Variants in ASAP1 observed in about 807,000 individuals in gnomAD.
The protein encoded by ASAP1 is ArfGAP with SH3 domain, ankyrin repeat and PH domain 1.
In ASAP1, 43 loss-of-function variants were observed where a neutral mutation model predicts 145.2. The observed-to-expected ratio is 0.30, with a 90% CI of 0.23 to 0.38. The LOEUF (loss-of-function observed/expected upper bound fraction) is 0.38, where lower values mean the gene tolerates loss of function less well. Ranked by LOEUF, ASAP1 falls within the 10% of genes least tolerant of loss-of-function variation. The probability of loss-of-function intolerance (pLI) is 1.00; values close to 1 mark genes in which losing one functional copy is unlikely to be tolerated. For missense variants in ASAP1, 1,018 were observed against 1,355.3 expected (o/e 0.75, Z 3.91); for synonymous variants, 546 against 515.5 (o/e 1.06, Z -0.80).
intron 3 of ASAP1, among the ~76,000 whole-genome samples, chr8:130,303,636 G>C (rs1822808298): frequency 6.6e-6 from 1 of 152,102 alleles, no homozygotes; most frequent in African/African-American, 2.4e-5. Flanking sequence ...AACCTTAAAT[G>C]CGTACTGCTA....
intron 27 of ASAP1, among the ~76,000 whole-genome samples, chr8:130,074,472 C>CAT (rs2097457504): frequency 6.7e-6 from 1 of 148,722 alleles, no homozygotes; most frequent in Admixed American, 7.0e-5. Flanking sequence ...CACACACACA[C>CAT]ACACACACAC....
intron 2 of ASAP1, among the ~76,000 whole-genome samples, chr8:130,367,053 A>G (rs745964371): frequency 1.3e-5 from 2 of 151,714 alleles, no homozygotes; most frequent in Non-Finnish European, 2.9e-5. Flanking sequence ...CACCACACCC[A>G]GCTAATTTTT....
chr8:130,293,423 C>T (rs1164229040), intron 3 of ASAP1, among the ~76,000 whole-genome samples: 2 of 152,216 alleles, frequency 1.3e-5, no homozygotes, highest in Non-Finnish European at 2.9e-5. Context: ...CAACATCCAT[C>T]GCTCATGCCC....
At chr8:130,193,527 T>C (rs535168824) in intron 5 of ASAP1, among the ~76,000 whole-genome samples, 3 of 152,234 alleles carry the variant, frequency 2.0e-5, no homozygotes, top group African/African-American at 7.2e-5. Flanking sequence ...TTTTGCATTT[T>C]AAAAAAATTG....
intron 5 of ASAP1, among the ~76,000 whole-genome samples, chr8:130,202,205 A>T (rs1000815189): frequency 2.0e-5 from 3 of 152,130 alleles, no homozygotes; most frequent in African/African-American, 4.8e-5. Flanking sequence ...CAGTTGTTTG[A>T]TATATTTCAA....
chr8:130,384,643 G>A (rs1827929516), intron 2 of ASAP1, among the ~76,000 whole-genome samples: 1 of 152,144 alleles, frequency 6.6e-6, no homozygotes, highest in African/African-American at 2.4e-5. Context: ...ACCATGCCCG[G>A]CTAATGTTTT....
At chr8:130,287,711 C>A (rs1000388739) in intron 3 of ASAP1, among the ~76,000 whole-genome samples, 1 of 152,170 alleles carries the variant, frequency 6.6e-6, no homozygotes, top group African/African-American at 2.4e-5. Context: ...CTATCAGACA[C>A]AGATTATGTC....
chr8:130,319,126 G>T (rs1450824556), intron 3 of ASAP1, among the ~76,000 whole-genome samples: 1 of 152,208 alleles, frequency 6.6e-6, no homozygotes, highest in Non-Finnish European at 1.5e-5. Context: ...ATTTGGAGAA[G>T]AAATTGCAAG....
At chr8:130,072,590 C>T (rs981202592) in intron 27 of ASAP1, among the ~76,000 whole-genome samples, 1 of 58,140 alleles carries the variant, frequency 1.7e-5, no homozygotes, top group African/African-American at 5.0e-5. Flanking sequence ...CGGACTAATA[C>T]AGCACCCCTT....
intron 16 of ASAP1, 65 bp from the exon 17 acceptor site, chr8:130,126,154 G>C: frequency 6.8e-7 from 1 of 1,471,064 alleles, no homozygotes; most frequent in African/African-American, 1.4e-5. Flanking sequence ...GCCAACTACA[G>C]AGGAAGCTAA....
At chr8:130,157,833 C>A (rs1439252604) in intron 12 of ASAP1, among the ~76,000 whole-genome samples, 1 of 152,124 alleles carries the variant, frequency 6.6e-6, no homozygotes, top group Non-Finnish European at 1.5e-5. Context: ...AGAACCACTC[C>A]CATCCCCCAC....
intron 11 of ASAP1, among the ~76,000 whole-genome samples, chr8:130,162,678 C>T (rs980590501): frequency 1.3e-4 from 20 of 151,958 alleles, no homozygotes; most frequent in South Asian, 8.3e-4. Context: ...ATTAGCCGGG[C>T]GTGGTGGCGG....
intron 6 of ASAP1, among the ~76,000 whole-genome samples, chr8:130,187,668 C>T (rs959147868): frequency 5.3e-4 from 80 of 152,272 alleles, no homozygotes; most frequent in African/African-American, 1.6e-3. Flanking sequence ...ATTTACCCGC[C>T]GCCATGGTCT....
rs1381991408 is a variant in ASAP1 at position 130,060,938 on chromosome 8, C to T, written c.2833G>A (p.Glu945Lys). 6.2e-7 allele frequency: 1 copy of T among 1,608,750 alleles called. No individual in the cohort carries two copies. The highest frequency in any genetic ancestry group is 2.2e-5 in the East Asian group (1 of 44,854). ...PPGDLPPKPTELAPKPQIGDL... is the reference protein window; with the variant it reads ...PPGDLPPKPTKLAPKPQIGDL... ...CCAATTTGGGGCTTGGGGGCCAGTTCTGTGGGCTTTGGGGGCAGGTCTCCA... is the reference window on the plus strand; with the variant it reads ...CCAATTTGGGGCTTGGGGGCCAGTTTTGTGGGCTTTGGGGGCAGGTCTCCA... The change falls in exon 28 of 30, where the codon GAA becomes AAA. Residue 945 changes from glutamate to lysine, a missense_variant. Around this residue, in one of 9 missense-constraint regions of ASAP1, gnomAD observed 139 missense variants for 131.0 expected, o/e 1.06. Transcript: ENST00000518721.
At chr8:130,430,877 A>G (rs1315117856) in intron 1 of ASAP1, among the ~76,000 whole-genome samples, 1 of 152,230 alleles carries the variant, frequency 6.6e-6, no homozygotes, top group East Asian at 1.9e-4. Flanking sequence ...AACATGTCAC[A>G]GCTCCACTTC....
chr8:130,086,938 C>T (rs996156822), intron 25 of ASAP1, among the ~76,000 whole-genome samples: 1 of 152,200 alleles, frequency 6.6e-6, no homozygotes, highest in African/African-American at 2.4e-5. Flanking sequence ...GGCCCTCGTT[C>T]TCACAAAACA....
At position 130,064,893 on chromosome 8, in the gene ASAP1, ATGTGTGTGTGTGTGTG is replaced by A. The variant is rs34905534; in HGVS notation, c.2702-3840_2702-3825del. 3.3e-3 allele frequency among the ~76,000 whole-genome samples: 474 copies of A among 142,654 alleles called. 4 individuals carry two copies. The highest frequency in any genetic ancestry group is 0.012 in the African/African-American group (456 of 37,838). The allele number at this position is 142,654 out of a possible 152,430, so 93.6% of individuals were successfully genotyped here. ...ACCTAAGTTTATCAGTTTACTAAGA[ATGTGTGTGTGTGTGTG>A]TGTGTGTGTGTGTGTGTGTGTGTGT... On this transcript the variant is annotated intron_variant, in intron 27 of 29. Transcript: ENST00000518721.
chr8:130,101,701 G>C (rs1408860657), intron 24 of ASAP1, among the ~76,000 whole-genome samples: 1 of 145,862 alleles, frequency 6.9e-6, no homozygotes, highest in African/African-American at 2.6e-5. Context: ...ACTAGCTGGG[G>C]ACTACAGGCA....
chr8:130,091,981 A>T lies in ASAP1; in HGVS notation c.2564T>A (p.Val855Asp), dbSNP rs2097506497. The part of the protein sequence containing the change: ...LPHGPPNKGA[V>D]PWGNDGGPSS... ...ACTTTAGGATAACTTACCCCAAGGA[A>T]CTGCGCCTTTGTTTGGGGGCCCATG... The change falls in exon 25 of 30, where the codon GTT becomes GAT. Residue 855 changes from valine to aspartate, a missense_variant. Physicochemically the swap from Val to Asp is radical, Grantham distance 152. Coordinates refer to ENST00000518721, the MANE Select transcript of ASAP1 (RefSeq NM_018482.4). 10 of 1,556,186 alleles carry T rather than the reference A, an allele frequency of 6.4e-6. No individual in the cohort carries two copies. The highest frequency in any genetic ancestry group is 8.6e-6 in the Non-Finnish European group (10 of 1,157,552).
Sources: gnomAD v4.1 joint callset for allele counts (sites outside exome capture counted in the v4.1 genomes callset) on GRCh38, gnomAD v4.1.1 for gene constraint, gnomAD v4.1.1 regional missense constraint, MANE v1.5 for transcripts, NCBI Gene and HGNC (gene_info 2026-07-23, HGNC 2026-07-21) for gene names.